ACMSD: variants seen among roughly 807,000 people sequenced by gnomAD.
ACMSD encodes aminocarboxymuconate semialdehyde decarboxylase.
In ACMSD, 37 loss-of-function variants were observed where a neutral mutation model predicts 45.9. The ratio of observed to expected loss-of-function variants is 0.81; its 90% CI spans 0.62 to 1.06. The LOEUF (loss-of-function observed/expected upper bound fraction) is 1.06. ACMSD is among the 50% of genes least tolerant of loss of function. The pLI, the probability that ACMSD is intolerant of heterozygous loss-of-function variation, is 0.00. For missense variants in ACMSD, 434 were observed against 420.9 expected (o/e 1.03, Z -0.27); for synonymous variants, 138 against 148.8 (o/e 0.93, Z 0.53).
At chr2:134,869,477 T>G (rs1688310971) in intron 6 of ACMSD, among the ~76,000 whole-genome samples, 1 of 152,122 alleles carries the variant, frequency 6.6e-6, no homozygotes, top group African/African-American at 2.4e-5. Context: ...CCTCCCAAAG[T>G]GCTGGGATTA....
At chr2:134,881,075 C>T (rs1016609356) in intron 8 of ACMSD, among the ~76,000 whole-genome samples, 1 of 152,258 alleles carries the variant, frequency 6.6e-6, no homozygotes, top group African/African-American at 2.4e-5. Flanking sequence ...TCTCAGCTCA[C>T]CGCATCCTCT....
intron 3 of ACMSD, among the ~76,000 whole-genome samples, chr2:134,861,073 T>A (rs549912771): frequency 6.6e-6 from 1 of 152,166 alleles, no homozygotes; most frequent in South Asian, 2.1e-4. Flanking sequence ...GGCATTTAAA[T>A]TGAACTTTGC....
intron 8 of ACMSD, among the ~76,000 whole-genome samples, chr2:134,883,745 C>T (rs183846572): frequency 1.3e-5 from 2 of 152,154 alleles, no homozygotes; most frequent in African/African-American, 4.8e-5. Context: ...TGATCCCCCC[C>T]ACCTCAGCCT....
chr2:134,866,603 G>C (rs1363095668), intron 5 of ACMSD, among the ~76,000 whole-genome samples: 2 of 152,146 alleles, frequency 1.3e-5, no homozygotes, highest in Non-Finnish European at 1.5e-5. Context: ...TTTTAAAAAT[G>C]CTTATGTACA....
intron 8 of ACMSD, among the ~76,000 whole-genome samples, chr2:134,889,859 A>G (rs1689674646): frequency 6.6e-6 from 1 of 152,080 alleles, no homozygotes; most frequent in Non-Finnish European, 1.5e-5. Context: ...ATAATAATGA[A>G]TTATAACCAA....
intron 2 of ACMSD, among the ~76,000 whole-genome samples, chr2:134,852,942 T>A (rs918555466): frequency 2.6e-5 from 4 of 151,912 alleles, no homozygotes; most frequent in African/African-American, 9.7e-5. Context: ...GAGGGCAGAT[T>A]ACTTGAGGTC....
At chr2:134,861,174 G>A (rs1285810612) in intron 3 of ACMSD, among the ~76,000 whole-genome samples, 2 of 152,130 alleles carry the variant, frequency 1.3e-5, no homozygotes, top group African/African-American at 2.4e-5. Flanking sequence ...AGGAGAGCTG[G>A]AGAAAGAACA....
intron 8 of ACMSD, among the ~76,000 whole-genome samples, chr2:134,875,897 C>T (rs923662818): frequency 6.6e-6 from 1 of 152,192 alleles, no homozygotes; most frequent in Non-Finnish European, 1.5e-5. Flanking sequence ...TGCCCTTACA[C>T]AAACTTTTAT....
rs556805363 is a variant in ACMSD at position 134,846,842 on chromosome 2, A to G, written c.102+1565A>G. On this transcript the variant is annotated intron_variant, in intron 2 of 9. Transcript: ENST00000356140. Reference sequence around the variant, plus strand: ...ATAGTGCTCAGATTCCAGGGGTCACAAGTCAACATGATCAATTCAGAGAAT... The same window carrying G: ...ATAGTGCTCAGATTCCAGGGGTCACGAGTCAACATGATCAATTCAGAGAAT... 7.4e-4 allele frequency among the ~76,000 whole-genome samples: 112 copies of G among 152,338 alleles called. 1 individual carries two copies. The highest frequency in any genetic ancestry group is 7.1e-3 in the Admixed American group (108 of 15,292).
At chr2:134,881,762 A>C (rs914514582) in intron 8 of ACMSD, among the ~76,000 whole-genome samples, 2 of 152,144 alleles carry the variant, frequency 1.3e-5, no homozygotes, top group African/African-American at 2.4e-5. Flanking sequence ...CCGAGATGGG[A>C]GGATCACTTG....
At chr2:134,845,928 C>A (rs1221470938) in intron 2 of ACMSD, among the ~76,000 whole-genome samples, 2 of 152,156 alleles carry the variant, frequency 1.3e-5, no homozygotes, top group African/African-American at 4.8e-5. Context: ...AGCTGGCATG[C>A]AGACATGACT....
chr2:134,879,141 A>T (rs1464320275), intron 8 of ACMSD, among the ~76,000 whole-genome samples: 2 of 152,142 alleles, frequency 1.3e-5, no homozygotes, highest in Admixed American at 6.5e-5. Flanking sequence ...GCTATAGGAG[A>T]GGCTGGAAAT....
chr2:134,874,383 T>C (rs893078907), intron 8 of ACMSD, among the ~76,000 whole-genome samples: 12 of 152,218 alleles, frequency 7.9e-5, no homozygotes, highest in Non-Finnish European at 1.5e-4. Flanking sequence ...GGATTCTTTT[T>C]AAAATATTAA....
At chr2:134,859,231 C>T (rs758623592) in intron 2 of ACMSD, 30 bp from the exon 3 acceptor site, 13 of 1,593,184 alleles carry the variant, frequency 8.2e-6, no homozygotes, top group Admixed American at 1.7e-5. Flanking sequence ...TCTTAGGTTG[C>T]ATTTTAGTAA....
At chr2:134,848,467 C>A (rs1687183740) in intron 2 of ACMSD, among the ~76,000 whole-genome samples, 1 of 152,158 alleles carries the variant, frequency 6.6e-6, no homozygotes, top group African/African-American at 2.4e-5. Context: ...TTAATGATAG[C>A]CATTCTAACT....
chr2:134,838,619 G>A lies in ACMSD; in HGVS notation c.-64G>A, dbSNP rs1686639683. 2 of 1,447,884 alleles carry A rather than the reference G, an allele frequency of 1.4e-6. No homozygotes were observed. The highest frequency in any genetic ancestry group is 4.6e-5 in the East Asian group (2 of 43,834). 89.7% of individuals were successfully genotyped at this position (1,447,884 alleles called of 1,614,324 possible). ...ACTAAGTAAATCAATTAACTCCACA[G>A]TTTTCACAAAGGTCTCTTGATATCA... On this transcript the variant is annotated 5_prime_UTR_variant, in exon 1 of 10. Coordinates refer to ENST00000356140, the MANE Select transcript of ACMSD (RefSeq NM_138326.3).
chr2:134,851,078 T>C (rs1342403286), intron 2 of ACMSD, among the ~76,000 whole-genome samples: 1 of 152,242 alleles, frequency 6.6e-6, no homozygotes, highest in Non-Finnish European at 1.5e-5. Context: ...GTTAATTTGA[T>C]TAGGATAATG....
intron 8 of ACMSD, among the ~76,000 whole-genome samples, chr2:134,885,317 A>ATG (rs1206233961): frequency 2.9e-5 from 2 of 67,936 alleles, no homozygotes; most frequent in African/African-American, 1.4e-4. Context: ...ATATATATAT[A>ATG]TAAATATATA....
intron 1 of ACMSD, 42 bp from the exon 2 acceptor site, chr2:134,845,191 G>A: frequency 6.2e-7 from 1 of 1,613,262 alleles, no homozygotes; most frequent in Non-Finnish European, 8.5e-7. Flanking sequence ...TTGCAGCCTG[G>A]TCTTTGCTCT....
Sources: gnomAD v4.1 joint callset for allele counts (sites outside exome capture counted in the v4.1 genomes callset) on GRCh38, gnomAD v4.1.1 for gene constraint, MANE v1.5 for transcripts, NCBI Gene and HGNC (gene_info 2026-07-23, HGNC 2026-07-21) for gene names.